The following ARID1B variants were observed in gnomAD, a reference collection of about 807,000 sequenced individuals.
ARID1B encodes AT-rich interactive domain-containing protein 1B.
A neutral mutation model predicts 212.3 loss-of-function variants in ARID1B; 30 were observed. The observed-to-expected ratio is 0.14, with a 90% confidence interval of 0.11 to 0.19. ARID1B has a LOEUF of 0.19. Ranked by LOEUF, ARID1B falls within the 10% of genes least tolerant of loss-of-function variation. The pLI, the probability that ARID1B is intolerant of heterozygous loss-of-function variation, is 1.00. For missense variants in ARID1B, 2,891 were observed against 3,204.0 expected, an observed-to-expected ratio of 0.90 and a Z score of 2.36; for synonymous variants, 1,402 against 1,301.7, an observed-to-expected ratio of 1.08 and a Z score of -1.66.
intron 2 of ARID1B, among the ~76,000 whole-genome samples, chr6:156,853,821 A>G (rs1264410810): frequency 1.3e-5 from 2 of 152,084 alleles, no homozygotes; most frequent in African/African-American, 4.8e-5. Flanking sequence ...ACTGCAGCCT[A>G]GGACTCCTGT....
chr6:156,931,302 A>G (rs998143966), intron 3 of ARID1B, among the ~76,000 whole-genome samples: 1 of 152,086 alleles, frequency 6.6e-6, no homozygotes, highest in Non-Finnish European at 1.5e-5. Context: ...TTTTATTCAA[A>G]GTTACATATT....
intron 13 of ARID1B, 147 bp from the exon 14 acceptor site, chr6:157,189,495 T>C: frequency 1.0e-6 from 1 of 992,668 alleles, no homozygotes; most frequent in Non-Finnish European, 1.4e-6. Context: ...TACAACATCA[T>C]TATCAGCAAT....
chr6:156,858,931 C>T (rs1306935074), intron 2 of ARID1B, among the ~76,000 whole-genome samples: 2 of 152,018 alleles, frequency 1.3e-5, no homozygotes, highest in African/African-American at 4.8e-5. Flanking sequence ...TTGCACTGAG[C>T]GAGTCAGTGA....
intron 1 of ARID1B, among the ~76,000 whole-genome samples, chr6:156,798,449 G>A (rs1212074961): frequency 1.3e-5 from 2 of 152,234 alleles, no homozygotes; most frequent in African/African-American, 2.4e-5. Flanking sequence ...AACGTACAAC[G>A]AAGGGTGCAT....
chr6:156,983,892 C>G (rs1237355711), intron 4 of ARID1B, among the ~76,000 whole-genome samples: 2 of 152,086 alleles, frequency 1.3e-5, no homozygotes, highest in African/African-American at 4.8e-5. Context: ...TCTAGTTACC[C>G]GATTTCCTGC....
At chr6:157,160,002 G>A (rs1790828883) in intron 8 of ARID1B, among the ~76,000 whole-genome samples, 1 of 152,198 alleles carries the variant, frequency 6.6e-6, no homozygotes, top group Non-Finnish European at 1.5e-5. Flanking sequence ...CAAAGGTTTT[G>A]GGGAGTTATT....
intron 4 of ARID1B, among the ~76,000 whole-genome samples, chr6:156,950,462 TATATG>T (rs1793499250): frequency 1.3e-5 from 2 of 152,232 alleles, no homozygotes; most frequent in African/African-American, 4.8e-5. Flanking sequence ...TTTGTGTATA[TATATG>T]GGGATGTAAG....
chr6:156,964,919 G>A (rs762004094), intron 4 of ARID1B, among the ~76,000 whole-genome samples: 75 of 152,170 alleles, frequency 4.9e-4, no homozygotes, highest in Non-Finnish European at 9.3e-4. Flanking sequence ...AAATTGTAAT[G>A]AGCACCAGAG....
At position 157,104,081 on chromosome 6, in the gene ARID1B, C is replaced by A. The variant is rs181898687; in HGVS notation, c.2492-6391C>A. On this transcript the variant is annotated intron_variant, in intron 5 of 19. Transcript: ENST00000636930. ...CGAACTCCTGACCTCGTGATCCACC[C>A]GCCTTGGCCTCCCAAAGTGCTGGGA... Among the ~76,000 whole-genome samples, 818 of 152,228 alleles carry A rather than the reference C, an allele frequency of 5.4e-3. 13 individuals carry two copies. The highest frequency in any genetic ancestry group is 0.019 in the African/African-American group (781 of 41,540).
chr6:157,201,651 C>T lies in ARID1B; in HGVS notation c.5263+163C>T, dbSNP rs753754398. Among the ~76,000 whole-genome samples the T allele has an allele frequency of 2.6e-5, 4 of 152,162 alleles. No individual in the cohort carries two copies. The highest frequency in any genetic ancestry group is 2.6e-4 in the Admixed American group (4 of 15,272). On this transcript the variant is annotated intron_variant, in intron 18 of 19. Transcript: ENST00000636930. This position sits in a 1 kb window ranked among gnomAD's most constrained non-coding sequence, Gnocchi z 5.2. The stretch of plus-strand genomic sequence containing the variant: ...ATAGGAGTAATATAGTTGGAGGCTG[C>T]TAATCTGAATTAAGAAATAGTGCCA...
At chr6:156,980,305 A>G (rs1404528351) in intron 4 of ARID1B, among the ~76,000 whole-genome samples, 1 of 152,048 alleles carries the variant, frequency 6.6e-6, no homozygotes, top group Non-Finnish European at 1.5e-5. Context: ...CCACACAATG[A>G]AACCCCATCT....
At chr6:156,892,814 C>CA (rs1788043236) in intron 2 of ARID1B, among the ~76,000 whole-genome samples, 1 of 151,976 alleles carries the variant, frequency 6.6e-6, no homozygotes, top group South Asian at 2.1e-4. Flanking sequence ...TAGTTCTTTT[C>CA]AAAAAATAGT....
In ARID1B at chr6:157,022,878, T is replaced by G. The variant is rs539396425; in HGVS notation, c.2248-61784T>G. 1.6e-4 allele frequency: 25 copies of G among 152,348 alleles called. No homozygotes were observed. The East Asian group carries it at 4.8e-3, about 29-fold the overall frequency. 9.4% of individuals were successfully genotyped at this position (152,348 alleles called of 1,614,324 possible). On this transcript the variant is annotated intron_variant, in intron 4 of 19. Transcript: ENST00000636930. ...TTAGGGTCAGTTTTCGGTGTTGATG[T>G]AGAGACAGAATCCAAAAGTATTTTG...
At chr6:156,911,839 G>A (rs768289989) in intron 3 of ARID1B, among the ~76,000 whole-genome samples, 98 of 152,102 alleles carry the variant, frequency 6.4e-4, no homozygotes, top group African/African-American at 2.2e-3. Flanking sequence ...TCAAAACCAC[G>A]AGCAGGCATA....
At chr6:156,905,250 G>GCGCACACACACACACA (rs1554265935) in intron 3 of ARID1B, among the ~76,000 whole-genome samples, 1,689 of 143,820 alleles carry the variant, frequency 0.012, 12 homozygotes, top group Non-Finnish European at 0.019. Context: ...ACATATGCAC[G>GCGCACACACACACACA]CACACACACA....
chr6:157,017,925 T>C (rs543520991), intron 4 of ARID1B, among the ~76,000 whole-genome samples: 40 of 142,410 alleles, frequency 2.8e-4, no homozygotes, highest in African/African-American at 9.6e-4. Flanking sequence ...AGCCCAGGAG[T>C]TGGAGACCAG....
At chr6:156,972,339 C>T (rs1181481413) in intron 4 of ARID1B, among the ~76,000 whole-genome samples, 1 of 152,090 alleles carries the variant, frequency 6.6e-6, no homozygotes, top group African/African-American at 2.4e-5. Flanking sequence ...AGCCAAAGGC[C>T]CAGGGGTGTC....
intron 1 of ARID1B, among the ~76,000 whole-genome samples, chr6:156,781,738 A>C (rs1005226764): frequency 6.6e-6 from 1 of 152,086 alleles, no homozygotes; most frequent in African/African-American, 2.4e-5. Flanking sequence ...TATAGAGAAG[A>C]ATCATGGAAA....
intron 4 of ARID1B, among the ~76,000 whole-genome samples, chr6:157,004,859 G>A (rs947913066): frequency 7.2e-6 from 1 of 139,370 alleles, no homozygotes; most frequent in African/African-American, 2.7e-5. Context: ...CTTTTCACAT[G>A]TAGTGGCATT....
Sources: gnomAD v4.1 joint callset for allele counts (sites outside exome capture counted in the v4.1 genomes callset) on GRCh38, gnomAD v4.1.1 for gene constraint, Gnocchi (gnomAD v3.1) non-coding constraint, MANE v1.5 for transcripts, NCBI Gene and HGNC (gene_info 2026-07-23, HGNC 2026-07-21) for gene names.